The following TAS2R1 variants were observed in gnomAD, a reference collection of about 807,000 sequenced individuals.
TAS2R1 encodes taste 2 receptor member 1.
For missense variants in TAS2R1, 370 were observed against 353.4 expected (o/e 1.05, Z -0.38); for synonymous variants, 141 against 134.2 (o/e 1.05, Z -0.35).
chr5:9,694,595 T>C (rs907799250), intron 1 of TAS2R1, among the ~76,000 whole-genome samples: 5 of 152,236 alleles, frequency 3.3e-5, no homozygotes, highest in African/African-American at 1.2e-4. Context: ...CCATTTTCTT[T>C]CTAATGAGTT....
chr5:9,721,068 C>G, the TAS2R1 span, among the ~76,000 whole-genome samples: 3 of 152,224 alleles, frequency 2.0e-5, no homozygotes, highest in African/African-American at 7.2e-5. Context: ...CCATGTGCAA[C>G]CTGCTTACCT....
the TAS2R1 span, among the ~76,000 whole-genome samples, chr5:9,806,523 T>C: frequency 1.3e-5 from 2 of 152,054 alleles, no homozygotes; most frequent in Non-Finnish European, 2.9e-5. Context: ...TCATCAAAAC[T>C]GCATGGTACT....
the TAS2R1 span, among the ~76,000 whole-genome samples, chr5:9,822,283 AT>A: frequency 6.6e-6 from 1 of 151,040 alleles, no homozygotes; most frequent in Non-Finnish European, 1.5e-5. Context: ...CTGACCCCCC[AT>A]TTATACTTTC....
the TAS2R1 span, among the ~76,000 whole-genome samples, chr5:9,900,363 T>G: frequency 3.3e-5 from 5 of 152,256 alleles, no homozygotes; most frequent in African/African-American, 1.2e-4. Context: ...CAGCCACCAG[T>G]AAGATTTAAT....
At chr5:9,815,809 A>C in the TAS2R1 span, among the ~76,000 whole-genome samples, 1 of 152,218 alleles carries the variant, frequency 6.6e-6, no homozygotes, top group Non-Finnish European at 1.5e-5. Flanking sequence ...TACTCTTCAG[A>C]GTATTCAAAC....
the TAS2R1 span, among the ~76,000 whole-genome samples, chr5:9,779,948 T>A: frequency 6.6e-6 from 1 of 152,212 alleles, no homozygotes. Flanking sequence ...TGATGCACAC[T>A]AGAGTTTAAC....
intron 1 of TAS2R1, among the ~76,000 whole-genome samples, chr5:9,697,005 C>G (rs1342604195): frequency 1.3e-5 from 2 of 151,606 alleles, no homozygotes; most frequent in East Asian, 3.9e-4. Context: ...ATGACTGAAA[C>G]TCCGTCTCAA....
the TAS2R1 span, among the ~76,000 whole-genome samples, chr5:9,861,200 T>G: frequency 6.6e-6 from 1 of 152,014 alleles, no homozygotes; most frequent in Non-Finnish European, 1.5e-5. Context: ...TTCACGCTGG[T>G]GGAAAAACAG....
intron 1 of TAS2R1, among the ~76,000 whole-genome samples, chr5:9,682,720 C>G (rs758995430): frequency 1.3e-5 from 2 of 152,114 alleles, no homozygotes; most frequent in African/African-American, 2.4e-5. Flanking sequence ...TAGCATGAGG[C>G]CCTCCAACCT....
chr5:9,900,929 T>C, the TAS2R1 span, among the ~76,000 whole-genome samples: 3,564 of 152,294 alleles, frequency 0.023, 146 homozygotes, highest in African/African-American at 0.078. Context: ...GCTGGTTGCA[T>C]TCAGCCGCAA....
At chr5:9,836,886 CT>C in the TAS2R1 span, among the ~76,000 whole-genome samples, 3 of 152,156 alleles carry the variant, frequency 2.0e-5, no homozygotes, top group East Asian at 5.8e-4. Flanking sequence ...GCATGAGGAT[CT>C]AATGATGTTC....
chr5:9,759,971 A>C, the TAS2R1 span, among the ~76,000 whole-genome samples: 1 of 152,220 alleles, frequency 6.6e-6, no homozygotes, highest in Non-Finnish European at 1.5e-5. Context: ...ACACTAACCA[A>C]CAAAATGAGA....
the TAS2R1 span, among the ~76,000 whole-genome samples, chr5:9,758,198 T>C: frequency 6.6e-5 from 10 of 152,316 alleles, no homozygotes; most frequent in Non-Finnish European, 1.2e-4. Flanking sequence ...TATTCATCTC[T>C]ATAAGTAATT....
the TAS2R1 span, among the ~76,000 whole-genome samples, chr5:9,781,186 T>C: frequency 1.3e-5 from 2 of 152,232 alleles, no homozygotes; most frequent in African/African-American, 2.4e-5. Flanking sequence ...ATATCTCCAC[T>C]TGGGTAACAA....
chr5:9,857,944 G>T, the TAS2R1 span, among the ~76,000 whole-genome samples: 1 of 152,126 alleles, frequency 6.6e-6, no homozygotes. Flanking sequence ...TGGTGCCTGG[G>T]TCTGCAGGTG....
At chr5:9,864,470 C>T in the TAS2R1 span, among the ~76,000 whole-genome samples, 1 of 148,752 alleles carries the variant, frequency 6.7e-6, no homozygotes, top group Non-Finnish European at 1.5e-5. Flanking sequence ...TCTCTCAAAA[C>T]TACAAAAAAA....
the TAS2R1 span, among the ~76,000 whole-genome samples, chr5:9,809,562 C>A: frequency 4.2e-3 from 643 of 152,216 alleles, 5 homozygotes; most frequent in African/African-American, 0.015. Flanking sequence ...ATCATGGTTA[C>A]ATCCTGATCT....
the TAS2R1 span, among the ~76,000 whole-genome samples, chr5:9,739,707 G>A: frequency 1.4e-4 from 21 of 152,230 alleles, no homozygotes; most frequent in South Asian, 4.2e-4. Flanking sequence ...CAACGCTTAC[G>A]CTCTCTTTCT....
chr5:9,809,644 A>C, the TAS2R1 span, among the ~76,000 whole-genome samples: 119,675 of 151,532 alleles, frequency 0.79, 47,561 homozygotes, highest in East Asian at 0.87. Context: ...CTTGTAGCAG[A>C]ATGAACAGAT....
Sources: allele counts gnomAD v4.1 joint callset (sites outside exome capture counted in the v4.1 genomes callset), GRCh38; gene constraint gnomAD v4.1.1; transcripts MANE v1.5; gene names NCBI Gene and HGNC (gene_info 2026-07-23, HGNC 2026-07-21).